The following PARK7 variants were observed in gnomAD, a reference collection of about 807,000 sequenced individuals.
PARK7 encodes the protein Parkinson disease protein 7.
In PARK7, 14 loss-of-function variants were observed where a neutral mutation model predicts 20.5. The ratio of observed to expected loss-of-function variants is 0.68; its 90% CI spans 0.45 to 1.07. PARK7 has a LOEUF of 1.07. PARK7 is among the 50% of genes least tolerant of loss of function. The pLI is 0.00. For synonymous variants in PARK7, 98 were observed against 84.3 expected (o/e 1.16, Z -0.89); for missense variants, 234 against 238.1 (o/e 0.98, Z 0.11).
chr1:7,978,663 T>C (rs1640640272), intron 6 of PARK7, among the ~76,000 whole-genome samples: 4 of 151,990 alleles, frequency 2.6e-5, no homozygotes, highest in Admixed American at 2.6e-4. Flanking sequence ...GGCAACATGG[T>C]TAAACTCCAT....
At chr1:7,982,127 G>A (rs548621761) in intron 6 of PARK7, among the ~76,000 whole-genome samples, 133 of 150,866 alleles carry the variant, frequency 8.8e-4, no homozygotes, top group African/African-American at 2.9e-3. Flanking sequence ...GGTACTGGCC[G>A]CCAGGCCCAG....
rs1640794580 is a variant in PARK7 at position 7,985,150 on chromosome 1, TC to T, written c.*97del. 1 of 1,507,580 alleles carries T rather than the reference TC, an allele frequency of 6.6e-7. No individual in the cohort carries two copies. Among genetic ancestry groups the T allele is most frequent in the South Asian group, 1.2e-5 (1 of 83,552 alleles). The allele number at this position is 1,507,580 out of a possible 1,614,324, so 93.4% of individuals were successfully genotyped here. A position where few individuals can be genotyped will look rare whatever the true frequency, so the allele number is the denominator to read the frequency against. The stretch of plus-strand genomic sequence containing the variant: ...ACAAAACAGTGGTAGGTTAATGTGT[TC>T]AGAAGTCGCTGTCCTTACTACTTTT... On this transcript the variant is annotated 3_prime_UTR_variant, in exon 7 of 7. Transcript: ENST00000338639.
intron 3 of PARK7, among the ~76,000 whole-genome samples, chr1:7,967,574 G>A (rs1557443317): frequency 1.3e-5 from 2 of 152,138 alleles, no homozygotes; most frequent in African/African-American, 4.8e-5. Context: ...TTTCTTTTGA[G>A]TTTTGAGCTT....
At chr1:7,973,902 C>T (rs1440970567) in intron 5 of PARK7, among the ~76,000 whole-genome samples, 12 of 134,622 alleles carry the variant, frequency 8.9e-5, no homozygotes, top group Admixed American at 4.0e-4. Flanking sequence ...AGCAAGACTT[C>T]GTTTCAAAAA....
intron 5 of PARK7, among the ~76,000 whole-genome samples, chr1:7,974,176 G>A (rs1640525934): frequency 7.0e-6 from 1 of 142,858 alleles, no homozygotes; most frequent in Non-Finnish European, 1.6e-5. Context: ...TAAAAAATCA[G>A]CCTGGTGTGG....
chr1:7,982,008 C>A (rs1177769683), intron 6 of PARK7, among the ~76,000 whole-genome samples: 12 of 109,278 alleles, frequency 1.1e-4, no homozygotes, highest in African/African-American at 3.9e-4. Flanking sequence ...CGGAGTCTTG[C>A]TCTCTCACCC....
Position 7,971,498 on chromosome 1 carries a change from A to G in PARK7, c.322+535A>G, listed in dbSNP as rs147027419. On this transcript the variant is annotated intron_variant, in intron 5 of 6. Coordinates refer to ENST00000338639, the MANE Select transcript of PARK7 (RefSeq NM_007262.5). ...TTCGCAGATGTCCTCTTCTCTTTGT[A>G]CCTTAGTAATATTTTATTTTCTCAT... 45 of 159,500 alleles carry G rather than the reference A, an allele frequency of 2.8e-4. No individual in the cohort carries two copies. In the East Asian group the frequency reaches 8.1e-3, roughly 29 times the overall value. The allele number at this position is 159,500 out of a possible 1,614,324, so 9.9% of individuals were successfully genotyped here.
intron 3 of PARK7, 128 bp from the exon 4 acceptor site, chr1:7,969,217 T>G: frequency 1.4e-6 from 1 of 717,722 alleles, no homozygotes; most frequent in Non-Finnish European, 2.3e-6. Flanking sequence ...TATTTAACTG[T>G]TCTATTGGCA....
intron 3 of PARK7, among the ~76,000 whole-genome samples, chr1:7,966,675 C>T (rs1640336853): frequency 6.6e-6 from 1 of 152,096 alleles, no homozygotes; most frequent in Non-Finnish European, 1.5e-5. Context: ...GTGATTGTGC[C>T]ATTGCCCTTC....
intron 6 of PARK7, among the ~76,000 whole-genome samples, chr1:7,978,531 T>A (rs920622648): frequency 6.6e-5 from 10 of 152,092 alleles, no homozygotes; most frequent in African/African-American, 1.4e-4. Flanking sequence ...TAGCTGGGAT[T>A]ACAGGCATGT....
chr1:7,975,371 T>TGA (rs1466564393), intron 5 of PARK7, among the ~76,000 whole-genome samples: 1 of 152,086 alleles, frequency 6.6e-6, no homozygotes, highest in Non-Finnish European at 1.5e-5. Context: ...GGTCTAGGAA[T>TGA]GAGGCCTCTG....
At chr1:7,979,738 G>A (rs1352115592) in intron 6 of PARK7, among the ~76,000 whole-genome samples, 2 of 152,182 alleles carry the variant, frequency 1.3e-5, no homozygotes, top group African/African-American at 4.8e-5. Flanking sequence ...CTGGCCTCAA[G>A]CGATCCTTCT....
intron 3 of PARK7, 28 bp from the exon 4 acceptor site, chr1:7,969,317 G>C: frequency 6.4e-7 from 1 of 1,574,126 alleles, no homozygotes; most frequent in South Asian, 1.1e-5. Flanking sequence ...AAATGTTTTT[G>C]TTTTCTTTAT....
intron 5 of PARK7, among the ~76,000 whole-genome samples, chr1:7,976,603 C>A (rs1315875350): frequency 6.6e-6 from 1 of 152,242 alleles, no homozygotes; most frequent in South Asian, 2.1e-4. Flanking sequence ...TCTCACACTT[C>A]CAGGCACTTC....
chr1:7,975,057 T>C (rs1423081342), intron 5 of PARK7, among the ~76,000 whole-genome samples: 1 of 152,000 alleles, frequency 6.6e-6, no homozygotes, highest in African/African-American at 2.4e-5. Context: ...GGTTTCACCA[T>C]GTTAGCCAGG....
Position 7,985,195 on chromosome 1 carries a change from C to G in PARK7, c.*141C>G. On this transcript the variant is annotated 3_prime_UTR_variant, in exon 7 of 7. Transcript: ENST00000338639. ...TACTTTTGCGGAAGTATGGAAGTCA[C>G]AACTACACAGAGATTTCTCAGCCTA... is the stretch of plus-strand genomic sequence containing the variant. 1.8e-6 allele frequency: 2 copies of G among 1,108,816 alleles called. No individual in the cohort carries two copies. Among genetic ancestry groups the G allele is most frequent in the Non-Finnish European group, 2.6e-6 (2 of 760,974 alleles). The allele number at this position is 1,108,816 out of a possible 1,614,324, so 68.7% of individuals were successfully genotyped here.
chr1:7,977,550 G>T (rs1557449075), intron 5 of PARK7, 102 bp from the exon 6 acceptor site: 12 of 1,029,574 alleles, frequency 1.2e-5, no homozygotes, highest in Non-Finnish European at 1.6e-5. Flanking sequence ...CTCCCCAATT[G>T]CTGGGATTAC....
intron 5 of PARK7, among the ~76,000 whole-genome samples, chr1:7,977,373 CAT>C (rs915570992): frequency 6.2e-4 from 95 of 152,344 alleles, no homozygotes; most frequent in African/African-American, 2.2e-3. Flanking sequence ...CTTTATCTCT[CAT>C]ACTAGGAAGT....
rs11548937 is a variant in PARK7 at position 7,969,386 on chromosome 1, C to T, written c.234C>T (p.Gly78=). ...DVVVLPGGNL[G]AQNLSESAAV... ...TGGTTCTACCAGGAGGTAATCTGGG[C>T]GCACAGAATTTATCTGAGGTAAAAA... Residue 78 remains glycine, a synonymous_variant, in exon 4 of 7, where the codon GGC becomes GGT. Coordinates refer to ENST00000338639, the MANE Select transcript of PARK7 (RefSeq NM_007262.5). 10,070 of 1,610,106 alleles carry T rather than the reference C, an allele frequency of 6.3e-3. 513 individuals carry two copies. In the African/African-American group the frequency reaches 0.11, roughly 18 times the overall value.
Sources: gnomAD v4.1 joint callset for allele counts (sites outside exome capture counted in the v4.1 genomes callset) on GRCh38, gnomAD v4.1.1 for gene constraint, MANE v1.5 for transcripts, NCBI Gene and HGNC (gene_info 2026-07-23, HGNC 2026-07-21) for gene names.